Variants in WDPCP observed in about 807,000 individuals in gnomAD.
The protein encoded by WDPCP is WD repeat containing planar cell polarity effector, also known as WD repeat-containing and planar cell polarity effector protein fritz homolog.
WDPCP carries 71 observed loss-of-function variants against 93.1 expected under a neutral mutation model. That is an observed-to-expected ratio of 0.76 (90% CI 0.63 to 0.93). WDPCP has a LOEUF of 0.93. Ranked by LOEUF, WDPCP falls within the 40% of genes least tolerant of loss-of-function variation. WDPCP has a pLI of 0.00. For synonymous variants in WDPCP, 315 were observed against 315.0 expected (o/e 1.00, Z 0.00); for missense variants, 844 against 887.4 (o/e 0.95, Z 0.62).
At chr2:63,381,673 T>G (rs1474317997) in intron 11 of WDPCP, among the ~76,000 whole-genome samples, 1 of 152,114 alleles carries the variant, frequency 6.6e-6, no homozygotes, top group African/African-American at 2.4e-5. Context: ...CACTGTAAGC[T>G]CCAACATAAG....
chr2:63,692,401 T>C (rs1238952270), intron 2 of WDPCP, among the ~76,000 whole-genome samples: 2 of 152,172 alleles, frequency 1.3e-5, no homozygotes, highest in Non-Finnish European at 2.9e-5. Flanking sequence ...GGTAAAATTT[T>C]AGAAGAAAAT....
Position 63,588,450 on chromosome 2 carries a change from A to T in WDPCP, c.-179T>A, listed in dbSNP as rs1351233926. The T allele has an allele frequency of 4.2e-6, 3 of 720,874 alleles. No individual in the cohort carries two copies. The highest frequency in any genetic ancestry group is 4.2e-5 in the Admixed American group (2 of 48,178). The allele number at this position is 720,874 out of a possible 1,614,324, so 44.7% of individuals were successfully genotyped here. On this transcript the variant is annotated 5_prime_UTR_variant, in exon 1 of 18. Coordinates refer to ENST00000272321, the MANE Select transcript of WDPCP (RefSeq NM_015910.7). The stretch of plus-strand genomic sequence containing the variant: ...TCCCGCCTCGTCGCTTAGCAACCTG[A>T]GAAGCTGTCCGGTCGTCCCAACTTA...
intron 3 of WDPCP, among the ~76,000 whole-genome samples, chr2:63,612,754 C>T (rs1173647391): frequency 6.6e-6 from 1 of 152,154 alleles, no homozygotes; most frequent in Non-Finnish European, 1.5e-5. Flanking sequence ...CACTGAGTTT[C>T]TCCCACATGT....
intron 3 of WDPCP, among the ~76,000 whole-genome samples, chr2:63,633,779 C>T (rs78289155): frequency 2.2e-4 from 33 of 152,156 alleles, no homozygotes; most frequent in South Asian, 4.2e-4. Flanking sequence ...GGGTTAAATT[C>T]GGCCAGGTGC....
At chr2:63,302,841 A>T (rs1685438395) in intron 13 of WDPCP, among the ~76,000 whole-genome samples, 1 of 152,214 alleles carries the variant, frequency 6.6e-6, no homozygotes, top group Non-Finnish European at 1.5e-5. Context: ...CAAAATGATC[A>T]GTAACAAACT....
chr2:63,123,091 C>T (rs554826667), intron 17 of WDPCP, among the ~76,000 whole-genome samples: 3 of 149,706 alleles, frequency 2.0e-5, no homozygotes, highest in Non-Finnish European at 3.0e-5. Flanking sequence ...AAGAAGAATG[C>T]GTAATTTAAT....
intron 6 of WDPCP, among the ~76,000 whole-genome samples, chr2:63,452,824 C>G (rs569864309): frequency 6.6e-6 from 1 of 152,062 alleles, no homozygotes; most frequent in Admixed American, 6.6e-5. Flanking sequence ...ACAAACCTGA[C>G]AAAAACAAGA....
chr2:63,761,321 G>C (rs747227169), intron 2 of WDPCP, among the ~76,000 whole-genome samples: 6 of 152,094 alleles, frequency 3.9e-5, no homozygotes, highest in Non-Finnish European at 8.8e-5. Flanking sequence ...CCAGTATTTT[G>C]ATGTTGGACT....
At chr2:63,451,384 A>G (rs890913016) in intron 6 of WDPCP, among the ~76,000 whole-genome samples, 5 of 152,222 alleles carry the variant, frequency 3.3e-5, no homozygotes, top group African/African-American at 9.7e-5. Context: ...CCCTTCCAAG[A>G]CTAAACCAGG....
chr2:63,317,592 CT>C (rs1276225940), intron 12 of WDPCP, among the ~76,000 whole-genome samples: 1 of 152,012 alleles, frequency 6.6e-6, no homozygotes, highest in Non-Finnish European at 1.5e-5. Flanking sequence ...GATTAGAGAA[CT>C]TAGAAATAAA....
intron 6 of WDPCP, among the ~76,000 whole-genome samples, chr2:63,450,617 T>A (rs1156760404): frequency 6.6e-6 from 1 of 152,082 alleles, no homozygotes; most frequent in Non-Finnish European, 1.5e-5. Context: ...AGCCCACCAC[T>A]ACTACCACTG....
rs750071841 is a variant in WDPCP, at chr2:63,484,567, T to C, written c.384+37A>G. On this transcript the variant is annotated intron_variant, in intron 6 of 17. Coordinates refer to ENST00000272321, the MANE Select transcript of WDPCP (RefSeq NM_015910.7). ...ATTACTACATAGTTTTCAGCTCCAT[T>C]GGTTAAACACTGCAAAGGCTTGTCA... The C allele has an allele frequency of 1.2e-5, 19 of 1,611,450 alleles. 1 individual carries two copies. In the South Asian group the frequency reaches 2.1e-4, roughly 18 times the overall value.
chr2:63,509,845 T>C (rs1702115073), intron 1 of WDPCP, among the ~76,000 whole-genome samples: 4 of 152,080 alleles, frequency 2.6e-5, no homozygotes, highest in Admixed American at 2.6e-4. Flanking sequence ...AATGGATAAA[T>C]TCCTAGACAC....
At chr2:63,354,707 T>C (rs914534876) in intron 12 of WDPCP, among the ~76,000 whole-genome samples, 1 of 144,396 alleles carries the variant, frequency 6.9e-6, no homozygotes, top group African/African-American at 2.6e-5. Flanking sequence ...TATGTATGTA[T>C]ATATGTATGT....
intron 10 of WDPCP, among the ~76,000 whole-genome samples, chr2:63,398,128 T>A (rs1429174444): frequency 6.6e-6 from 1 of 152,086 alleles, no homozygotes; most frequent in African/African-American, 2.4e-5. Context: ...TGCATATTGA[T>A]AAGTGGTTGA....
chr2:63,644,369 G>A (rs756710744), intron 3 of WDPCP, among the ~76,000 whole-genome samples: 8 of 149,550 alleles, frequency 5.3e-5, no homozygotes, highest in East Asian at 2.0e-4. Context: ...TCAGGTTCCC[G>A]AGTAGCTGGG....
chr2:63,561,189 C>G (rs891775557), intron 1 of WDPCP, among the ~76,000 whole-genome samples: 1 of 152,116 alleles, frequency 6.6e-6, no homozygotes, highest in Non-Finnish European at 1.5e-5. Flanking sequence ...ATGTCAAAAG[C>G]AGTTGCAGGC....
At chr2:63,609,637 C>A (rs1365269617) in intron 3 of WDPCP, among the ~76,000 whole-genome samples, 1 of 152,104 alleles carries the variant, frequency 6.6e-6, no homozygotes, top group Non-Finnish European at 1.5e-5. Flanking sequence ...TGCGTGTAAT[C>A]CCAACACTTT....
the WDPCP span, among the ~76,000 whole-genome samples, chr2:63,836,367 A>C: frequency 6.6e-6 from 1 of 152,214 alleles, no homozygotes; most frequent in Non-Finnish European, 1.5e-5. Context: ...TCTTTCATAT[A>C]GTTGAAAGAG....
Sources: gnomAD v4.1 joint callset for allele counts (sites outside exome capture counted in the v4.1 genomes callset) on GRCh38, gnomAD v4.1.1 for gene constraint, MANE v1.5 for transcripts, NCBI Gene and HGNC (gene_info 2026-07-23, HGNC 2026-07-21) for gene names.